CADPS: variants seen among roughly 807,000 people sequenced by gnomAD.
CADPS encodes the protein calcium dependent secretion activator.
In CADPS, 57 loss-of-function variants were observed where a neutral mutation model predicts 167.3. The ratio of observed to expected loss-of-function variants is 0.34; its 90% CI spans 0.28 to 0.42. The LOEUF is 0.42. CADPS is among the 20% of genes least tolerant of loss of function. The pLI is 1.00. For missense variants in CADPS, 1,414 were observed against 1,738.1 expected, an observed-to-expected ratio of 0.81 and a Z score of 3.32; for synonymous variants, 676 against 635.3, an observed-to-expected ratio of 1.06 and a Z score of -0.96.
At chr3:62,603,638 A>G (rs1441640663) in intron 6 of CADPS, among the ~76,000 whole-genome samples, 1 of 152,082 alleles carries the variant, frequency 6.6e-6, no homozygotes, top group South Asian at 2.1e-4. Context: ...AGAGCCTGGT[A>G]TTTGATTTTT....
chr3:62,425,096 C>T (rs1474726220), intron 28 of CADPS, among the ~76,000 whole-genome samples: 2 of 152,140 alleles, frequency 1.3e-5, no homozygotes, highest in East Asian at 1.9e-4. Context: ...TATCTCTTCC[C>T]ATCTCTCCAC....
intron 27 of CADPS, among the ~76,000 whole-genome samples, chr3:62,442,868 T>G (rs1442452400): frequency 6.6e-6 from 1 of 152,188 alleles, no homozygotes; most frequent in African/African-American, 2.4e-5. Context: ...AGGATTGATT[T>G]CAGAAGCAAA....
intron 3 of CADPS, among the ~76,000 whole-genome samples, chr3:62,726,368 G>A (rs1250873036): frequency 6.6e-6 from 1 of 151,876 alleles, no homozygotes; most frequent in Non-Finnish European, 1.5e-5. Flanking sequence ...GTACCTCCTT[G>A]ACTTTCCTAT....
chr3:62,770,057 T>C (rs1270088667), intron 1 of CADPS, among the ~76,000 whole-genome samples: 2 of 152,184 alleles, frequency 1.3e-5, no homozygotes, highest in Non-Finnish European at 2.9e-5. Context: ...TCCACTTTGC[T>C]CTTTACTTAC....
At chr3:62,490,747 A>T (rs1335575646) in intron 21 of CADPS, among the ~76,000 whole-genome samples, 1 of 151,992 alleles carries the variant, frequency 6.6e-6, no homozygotes, top group Non-Finnish European at 1.5e-5. Context: ...GGTTTTTTTT[A>T]AAAAGGTGCA....
At chr3:62,599,606 T>C (rs1358651185) in intron 6 of CADPS, among the ~76,000 whole-genome samples, 1 of 73,542 alleles carries the variant, frequency 1.4e-5, no homozygotes, top group African/African-American at 5.4e-5. Context: ...TATATATTTA[T>C]TATATTATAT....
chr3:62,454,466 AT>A (rs1463227373), intron 26 of CADPS, among the ~76,000 whole-genome samples: 2 of 152,138 alleles, frequency 1.3e-5, no homozygotes, highest in African/African-American at 4.8e-5. Flanking sequence ...CAGAGCTAGG[AT>A]TTGAACCCTA....
At chr3:62,581,887 T>C (rs1179232471) in intron 8 of CADPS, among the ~76,000 whole-genome samples, 2 of 152,114 alleles carry the variant, frequency 1.3e-5, no homozygotes, top group Non-Finnish European at 2.9e-5. Context: ...CATGCAGATA[T>C]AAAAGATGAA....
intron 6 of CADPS, among the ~76,000 whole-genome samples, chr3:62,634,589 G>A (rs1284985176): frequency 6.6e-6 from 1 of 152,174 alleles, no homozygotes; most frequent in Non-Finnish European, 1.5e-5. Context: ...TTATCTATGT[G>A]TTTCCAAGAT....
chr3:62,773,740 T>C (rs2089536774), intron 1 of CADPS, among the ~76,000 whole-genome samples: 2 of 152,044 alleles, frequency 1.3e-5, no homozygotes, highest in Admixed American at 6.6e-5. Flanking sequence ...TCCTCTTGCA[T>C]ACCTCTACCA....
intron 1 of CADPS, among the ~76,000 whole-genome samples, chr3:62,844,071 A>G (rs1283380402): frequency 6.6e-6 from 1 of 152,126 alleles, no homozygotes; most frequent in African/African-American, 2.4e-5. Context: ...TAGAGGAGTG[A>G]TTATTATTGT....
At chr3:62,774,813 T>G (rs1291824443) in intron 1 of CADPS, among the ~76,000 whole-genome samples, 1 of 152,168 alleles carries the variant, frequency 6.6e-6, no homozygotes, top group Non-Finnish European at 1.5e-5. Flanking sequence ...ACAGATAGGT[T>G]GTTGGAAAAC....
chr3:62,783,559 G>T (rs751520685), intron 1 of CADPS, among the ~76,000 whole-genome samples: 2 of 152,032 alleles, frequency 1.3e-5, no homozygotes, highest in Non-Finnish European at 2.9e-5. Context: ...TTGAATTCCG[G>T]CTCAGCATTT....
At chr3:62,529,017 G>A (rs77994655) in intron 13 of CADPS, among the ~76,000 whole-genome samples, 5 of 151,858 alleles carry the variant, frequency 3.3e-5, no homozygotes, top group Non-Finnish European at 4.4e-5. Flanking sequence ...AAAAATTAGC[G>A]GGGCGTGGTG....
At chr3:62,861,244 A>G (rs1440158952) in intron 1 of CADPS, among the ~76,000 whole-genome samples, 4 of 152,224 alleles carry the variant, frequency 2.6e-5, no homozygotes, top group African/African-American at 7.2e-5. Context: ...TCACAATGTT[A>G]TGCAGAAGAG....
rs545293626 is a variant in CADPS, at chr3:62,505,419, T to A, written c.2600-6151A>T. ...GGTGGTATAGCTTGTCCAGTCTACC[T>A]CCAAAATGTCTCTTATCTCACACCG... is the stretch of plus-strand genomic sequence containing the variant. On this transcript the variant is annotated intron_variant, in intron 17 of 29. Coordinates refer to ENST00000383710, the MANE Select transcript of CADPS (RefSeq NM_003716.4). Among the ~76,000 whole-genome samples, 3 of 152,234 alleles carry A rather than the reference T, an allele frequency of 2.0e-5. No individual in the cohort carries two copies. The South Asian group carries it at 6.2e-4, about 32-fold the overall frequency.
chr3:62,688,016 T>C (rs566415478), intron 3 of CADPS, among the ~76,000 whole-genome samples: 4 of 152,094 alleles, frequency 2.6e-5, no homozygotes, highest in African/African-American at 9.7e-5. Context: ...AGCATGTGCT[T>C]TGCTAGGTGC....
At position 62,550,111 on chromosome 3, in the gene CADPS, C is replaced by G. The variant is rs1339684911; in HGVS notation, c.1758G>C (p.Leu586Phe). Residue 586 changes from leucine to phenylalanine, a missense_variant, in exon 11 of 30, where the codon TTG becomes TTC. This residue lies in a region of CADPS where 157 missense variants were observed against 229.4 expected (regional missense o/e 0.68). Coordinates refer to ENST00000383710, the MANE Select transcript of CADPS (RefSeq NM_003716.4). ...TVDYTDPQPGLEGGRAFFNAV... is the reference protein window; with the variant it reads ...TVDYTDPQPGFEGGRAFFNAV... ...CATTGAAGAAGGCTCGGCCACCCTC[C>G]AAACCTGGAAGAAAAGGGAGTAACA... 1 of 1,613,386 alleles carries G rather than the reference C, an allele frequency of 6.2e-7. No individual in the cohort carries two copies. The highest frequency in any genetic ancestry group is 8.5e-7 in the Non-Finnish European group (1 of 1,179,460).
chr3:62,574,620 G>A (rs2081936053), intron 8 of CADPS, among the ~76,000 whole-genome samples: 1 of 152,158 alleles, frequency 6.6e-6, no homozygotes, highest in South Asian at 2.1e-4. Context: ...GACATAAGAG[G>A]GAGGTTCAGC....
Sources: allele counts gnomAD v4.1 joint callset (sites outside exome capture counted in the v4.1 genomes callset), GRCh38; gene constraint gnomAD v4.1.1; regional missense constraint gnomAD v4.1.1; transcripts MANE v1.5; gene names NCBI Gene and HGNC (gene_info 2026-07-23, HGNC 2026-07-21).